Variants in IKZF3 observed in about 807,000 individuals in gnomAD.
IKZF3 encodes the protein IKAROS family zinc finger 3.
In IKZF3, 10 loss-of-function variants were observed where a neutral mutation model predicts 49.0. The ratio of observed to expected loss-of-function variants is 0.20; its 90% CI spans 0.13 to 0.35. The LOEUF (loss-of-function observed/expected upper bound fraction) is 0.35. Among genes scored for constraint, IKZF3 ranks in the 10% least tolerant of loss-of-function variants. The probability of loss-of-function intolerance (pLI) is 1.00; values close to 1 mark genes in which losing one functional copy is unlikely to be tolerated. For synonymous variants in IKZF3, 209 were observed against 228.2 expected (o/e 0.92, Z 0.76); for missense variants, 498 against 664.8 (o/e 0.75, Z 2.76).
chr17:39,816,686 C>G (rs374413677), intron 3 of IKZF3, among the ~76,000 whole-genome samples: 1 of 152,160 alleles, frequency 6.6e-6, no homozygotes, highest in Non-Finnish European at 1.5e-5. Context: ...CACAAGCAAG[C>G]GTATTTATGT....
chr17:39,816,132 A>G (rs2061673112), intron 3 of IKZF3, among the ~76,000 whole-genome samples: 1 of 152,342 alleles, frequency 6.6e-6, no homozygotes, highest in Admixed American at 6.5e-5. Flanking sequence ...TTAAATTTTC[A>G]GGAATAAAGG....
chr17:39,814,556 T>C (rs1211312249), intron 3 of IKZF3, among the ~76,000 whole-genome samples: 1 of 152,142 alleles, frequency 6.6e-6, no homozygotes, highest in African/African-American at 2.4e-5. Flanking sequence ...TTAGTTAAGA[T>C]GAGGTCACAC....
At chr17:39,860,262 A>C (rs1046562546) in intron 1 of IKZF3, among the ~76,000 whole-genome samples, 3 of 152,026 alleles carry the variant, frequency 2.0e-5, no homozygotes, top group South Asian at 2.1e-4. Context: ...AAAAAAAAAA[A>C]CTGGATGTCT....
chr17:39,864,000 T>C, intron 1 of IKZF3, 120 bp downstream of exon 1: 1 of 1,333,900 alleles, frequency 7.5e-7, no homozygotes, highest in Non-Finnish European at 1.1e-6. Flanking sequence ...ACCTCATATT[T>C]ACTTTTGACA....
rs113322079 is a variant in IKZF3, at chr17:39,766,008, A to G, written c.1312T>C (p.Ser438Pro). The G allele has an allele frequency of 6.2e-7, 1 of 1,614,210 alleles. No individual in the cohort carries two copies. The highest frequency in any genetic ancestry group is 2.2e-5 in the East Asian group (1 of 44,892). The change falls in exon 8 of 8, where the codon TCC becomes CCC. Residue 438 changes from serine (S) to proline (P), a missense_variant. Ser to Pro is a moderately conservative substitution (Grantham distance 74, BLOSUM62 -1). Around this residue, in one of 3 missense-constraint regions of IKZF3, gnomAD observed 317 missense variants for 397.3 expected, o/e 0.80. Transcript: ENST00000346872. ...LKPPPICPRD[S>P]VKVINKEGEV... ...CCTTCCTTGTTGATCACTTTGACGG[A>G]GTCTCTTGGGCAGATGGGCGGGGGC...
intron 3 of IKZF3, among the ~76,000 whole-genome samples, chr17:39,817,734 T>C (rs1194421064): frequency 3.3e-5 from 5 of 152,244 alleles, no homozygotes; most frequent in African/African-American, 1.2e-4. Flanking sequence ...GTATAATTTA[T>C]ACATACTGAT....
intron 7 of IKZF3, among the ~76,000 whole-genome samples, chr17:39,768,393 C>T (rs1427020861): frequency 6.6e-6 from 1 of 152,134 alleles, no homozygotes; most frequent in Non-Finnish European, 1.5e-5. Context: ...TGGGACTACA[C>T]GGGACGTGTG....
chr17:39,798,908 G>A (rs892196221), intron 3 of IKZF3, among the ~76,000 whole-genome samples: 1 of 151,964 alleles, frequency 6.6e-6, no homozygotes, highest in Non-Finnish European at 1.5e-5. Flanking sequence ...TTCTTCCTGG[G>A]TTACTTATGA....
chr17:39,804,161 G>A (rs138026629), intron 3 of IKZF3, among the ~76,000 whole-genome samples: 74 of 152,244 alleles, frequency 4.9e-4, no homozygotes, highest in African/African-American at 1.4e-3. Flanking sequence ...TGAATGGGCC[G>A]GGTGTGGTGG....
chr17:39,857,856 G>A (rs1277302145), intron 1 of IKZF3, among the ~76,000 whole-genome samples: 2 of 151,846 alleles, frequency 1.3e-5, no homozygotes, highest in African/African-American at 4.8e-5. Context: ...ACGCATGGTG[G>A]CACATGCCTC....
At chr17:39,831,792 C>T (rs910263143) in intron 2 of IKZF3, among the ~76,000 whole-genome samples, 1 of 152,180 alleles carries the variant, frequency 6.6e-6, no homozygotes, top group Non-Finnish European at 1.5e-5. Context: ...CATTCAAATA[C>T]AAGCTACTAT....
rs540678086 is a variant in IKZF3 at position 39,821,838 on chromosome 17, G to A, written c.163+7549C>T. On this transcript the variant is annotated intron_variant, in intron 3 of 7. Coordinates refer to ENST00000346872, the MANE Select transcript of IKZF3 (RefSeq NM_012481.5). The stretch of plus-strand genomic sequence containing the variant: ...AAACCAGGGGGTATAGTGTGAAAGA[G>A]TTACTTTATTTTGTAGATCAGTACC... 3.9e-5 allele frequency among the ~76,000 whole-genome samples: 6 copies of A among 152,294 alleles called. No homozygotes were observed. The East Asian group carries it at 1.2e-3, about 29-fold the overall frequency.
intron 3 of IKZF3, among the ~76,000 whole-genome samples, chr17:39,824,279 A>G (rs2061897348): frequency 6.6e-6 from 1 of 152,106 alleles, no homozygotes; most frequent in Non-Finnish European, 1.5e-5. Context: ...AATATCTCCC[A>G]TTTGGAATGG....
intron 6 of IKZF3, among the ~76,000 whole-genome samples, chr17:39,778,451 A>AT (rs1340576351): frequency 1.3e-5 from 2 of 152,196 alleles, no homozygotes; most frequent in Non-Finnish European, 2.9e-5. Context: ...CTGCCTTGAA[A>AT]TTAAAGAACA....
chr17:39,825,987 G>A (rs2061946558), intron 3 of IKZF3, among the ~76,000 whole-genome samples: 1 of 152,150 alleles, frequency 6.6e-6, no homozygotes, highest in Admixed American at 6.5e-5. Context: ...TCATCACTTA[G>A]ACAGTGCCCT....
rs781775245 is a variant in IKZF3 at position 39,765,898 on chromosome 17, G to A, written c.1422C>T (p.His474=). Residue 474 remains histidine (H), a synonymous_variant, in exon 8 of 8, where the codon CAC becomes CAT. Coordinates refer to ENST00000346872, the MANE Select transcript of IKZF3 (RefSeq NM_012481.5). ...TACACTCGAAAGGGTCACGGAAGCC[G>A]TGGCAGCCCATGTGAATCGTGAACA... The part of the protein sequence containing the change: ...YVMFTIHMGC[H]GFRDPFECNM... 8.1e-6 allele frequency: 13 copies of A among 1,614,166 alleles called. No homozygotes were observed. The East Asian group carries it at 1.6e-4, about 19-fold the overall frequency.
intron 6 of IKZF3, among the ~76,000 whole-genome samples, chr17:39,781,465 A>T (rs2060739500): frequency 6.6e-6 from 1 of 152,236 alleles, no homozygotes. Context: ...AATGAAAAAC[A>T]GTATTCTGGG....
chr17:39,797,469 C>A (rs1165196765), intron 3 of IKZF3, among the ~76,000 whole-genome samples: 1 of 150,256 alleles, frequency 6.7e-6, no homozygotes, highest in Admixed American at 6.6e-5. Context: ...GTTGCCCAGG[C>A]TAGAGTACAG....
At chr17:39,855,863 G>A (rs953645120) in intron 1 of IKZF3, among the ~76,000 whole-genome samples, 1 of 151,840 alleles carries the variant, frequency 6.6e-6, no homozygotes, top group Non-Finnish European at 1.5e-5. Context: ...ATTTCATTCT[G>A]AACATAAAAA....
Sources: allele counts gnomAD v4.1 joint callset (sites outside exome capture counted in the v4.1 genomes callset), GRCh38; gene constraint gnomAD v4.1.1; regional missense constraint gnomAD v4.1.1; transcripts MANE v1.5; gene names NCBI Gene and HGNC (gene_info 2026-07-23, HGNC 2026-07-21).